The following ST18 variants were observed in gnomAD, a reference collection of about 807,000 sequenced individuals.
ST18 encodes suppression of tumorigenicity 18 protein.
Under a neutral mutation model 110.0 loss-of-function variants are expected in ST18, and 50 were observed. The ratio of observed to expected loss-of-function variants is 0.45; its 90% CI spans 0.36 to 0.58. ST18 has a LOEUF of 0.58. Ranked by LOEUF, ST18 falls within the 20% of genes least tolerant of loss-of-function variation. ST18 has a pLI of 0.00. For synonymous variants in ST18, 461 were observed against 452.4 expected (o/e 1.02, Z -0.24); for missense variants, 1,306 against 1,280.1 (o/e 1.02, Z -0.31).
intron 14 of ST18, among the ~76,000 whole-genome samples, chr8:52,160,436 C>T (rs1339000399): frequency 6.6e-6 from 1 of 152,186 alleles, no homozygotes. Flanking sequence ...AAGAATTCAT[C>T]AGCATCACAT....
At chr8:52,285,574 G>A (rs889232810) in intron 2 of ST18, among the ~76,000 whole-genome samples, 8 of 152,182 alleles carry the variant, frequency 5.3e-5, no homozygotes, top group African/African-American at 1.9e-4. Context: ...CAAGAAAAAG[G>A]TGGCTGCCAA....
intron 9 of ST18, among the ~76,000 whole-genome samples, chr8:52,178,640 AAAACC>A (rs2067983317): frequency 7.5e-6 from 1 of 133,680 alleles, no homozygotes; most frequent in African/African-American, 3.2e-5. Context: ...AAAAAAAAAA[AAAACC>A]ACCAAAAACC....
chr8:52,401,581 C>T (rs1842821309), intron 2 of ST18, among the ~76,000 whole-genome samples: 1 of 151,836 alleles, frequency 6.6e-6, no homozygotes, highest in South Asian at 2.1e-4. Flanking sequence ...TCTGCTTGAT[C>T]TAGTCTGCTG....
In ST18 at chr8:52,134,457, C is replaced by T. The variant is rs142636394; in HGVS notation, c.2301-1156G>A. ...AAATACTTGCTTTTCTGAATGCACA[C>T]TGTGGTTCACATCAAATTTCCATTT... On this transcript the variant is annotated intron_variant, in intron 19 of 25. Transcript: ENST00000689386. Among the ~76,000 whole-genome samples the T allele has an allele frequency of 3.9e-3, 597 of 152,328 alleles. 5 individuals are homozygous for T. The highest frequency in any genetic ancestry group is 0.014 in the African/African-American group (572 of 41,574).
At chr8:52,244,731 A>G (rs1291657658) in intron 2 of ST18, among the ~76,000 whole-genome samples, 1 of 152,192 alleles carries the variant, frequency 6.6e-6, no homozygotes, top group East Asian at 1.9e-4. Context: ...TGTACTTGAA[A>G]GGTTATGAGA....
At chr8:52,188,752 G>C (rs536736556) in intron 8 of ST18, among the ~76,000 whole-genome samples, 2 of 152,258 alleles carry the variant, frequency 1.3e-5, no homozygotes, top group South Asian at 4.1e-4. Context: ...GATGAGAACT[G>C]GTGAGATTCT....
intron 2 of ST18, among the ~76,000 whole-genome samples, chr8:52,235,101 A>C (rs928165770): frequency 6.6e-6 from 1 of 152,162 alleles, no homozygotes; most frequent in Admixed American, 6.6e-5. Context: ...CCTGTTCCCC[A>C]AAAACCTATG....
chr8:52,305,565 T>A (rs2095799169), intron 2 of ST18, among the ~76,000 whole-genome samples: 1 of 152,226 alleles, frequency 6.6e-6, no homozygotes, highest in Admixed American at 6.5e-5. Flanking sequence ...AAATTTCACA[T>A]GAAAACGTCT....
intron 8 of ST18, among the ~76,000 whole-genome samples, chr8:52,209,763 T>C (rs1257300797): frequency 4.9e-5 from 4 of 80,994 alleles, no homozygotes; most frequent in Admixed American, 3.7e-4. Context: ...AGAGCGAAAC[T>C]CCATCTCAAA....
At chr8:52,348,626 C>T (rs537846900) in intron 2 of ST18, among the ~76,000 whole-genome samples, 1 of 152,106 alleles carries the variant, frequency 6.6e-6, no homozygotes, top group Non-Finnish European at 1.5e-5. Flanking sequence ...CGCCTGTAAT[C>T]CCAGCTACTC....
intron 8 of ST18, among the ~76,000 whole-genome samples, chr8:52,210,321 G>A (rs535931953): frequency 1.3e-5 from 2 of 152,274 alleles, no homozygotes; most frequent in Admixed American, 1.3e-4. Flanking sequence ...CTGTCCAAAT[G>A]TAGGGGTATA....
intron 2 of ST18, among the ~76,000 whole-genome samples, chr8:52,253,302 G>T (rs2094405239): frequency 6.6e-6 from 1 of 152,010 alleles, no homozygotes; most frequent in Admixed American, 6.6e-5. Flanking sequence ...CAAAGGTTTT[G>T]AAATTTTTCT....
At chr8:52,395,218 C>T (rs2141021352) in intron 2 of ST18, among the ~76,000 whole-genome samples, 1 of 152,336 alleles carries the variant, frequency 6.6e-6, no homozygotes, top group Non-Finnish European at 1.5e-5. Flanking sequence ...AAGTACTATT[C>T]TAAGGGCAGA....
At chr8:52,214,728 C>T (rs754729932) in intron 6 of ST18, among the ~76,000 whole-genome samples, 1 of 152,114 alleles carries the variant, frequency 6.6e-6, no homozygotes, top group Non-Finnish European at 1.5e-5. Context: ...TGAAGACAAA[C>T]CCCTCAAATG....
intron 2 of ST18, among the ~76,000 whole-genome samples, chr8:52,235,499 C>T (rs987214280): frequency 6.6e-6 from 1 of 151,878 alleles, no homozygotes; most frequent in Non-Finnish European, 1.5e-5. Flanking sequence ...GTTATATTAA[C>T]GAAAAAGGGA....
At chr8:52,343,377 G>A (rs926011999) in intron 2 of ST18, among the ~76,000 whole-genome samples, 8 of 152,106 alleles carry the variant, frequency 5.3e-5, no homozygotes, top group African/African-American at 1.9e-4. Context: ...TTTATATGAG[G>A]TGATCATATC....
chr8:52,195,119 A>G (rs1184488643), intron 8 of ST18, among the ~76,000 whole-genome samples: 1 of 152,216 alleles, frequency 6.6e-6, no homozygotes, highest in Non-Finnish European at 1.5e-5. Flanking sequence ...GCTATACAAT[A>G]TAGAAACAGG....
intron 22 of ST18, among the ~76,000 whole-genome samples, chr8:52,130,303 A>AT (rs1399085955): frequency 1.3e-5 from 2 of 152,180 alleles, no homozygotes; most frequent in South Asian, 4.2e-4. Flanking sequence ...AGAATATTCT[A>AT]TTTTTAGAGA....
intron 2 of ST18, among the ~76,000 whole-genome samples, chr8:52,351,628 G>A (rs1820371326): frequency 6.6e-6 from 1 of 152,158 alleles, no homozygotes; most frequent in African/African-American, 2.4e-5. Context: ...GTCCTGTCAA[G>A]TCGAACTAAT....
Sources: gnomAD v4.1 joint callset for allele counts (sites outside exome capture counted in the v4.1 genomes callset) on GRCh38, gnomAD v4.1.1 for gene constraint, MANE v1.5 for transcripts, NCBI Gene and HGNC (gene_info 2026-07-23, HGNC 2026-07-21) for gene names.